COMMD1: variants seen among roughly 807,000 people sequenced by gnomAD.
COMMD1 encodes the protein copper metabolism domain containing 1, also known as COMM domain-containing protein 1.
COMMD1 carries 10 observed loss-of-function variants against 17.2 expected under a neutral mutation model. The ratio of observed to expected loss-of-function variants is 0.58; its 90% CI spans 0.36 to 0.99. The LOEUF (loss-of-function observed/expected upper bound fraction) is 0.99. Among genes scored for constraint, COMMD1 ranks in the 50% least tolerant of loss-of-function variants. COMMD1 has a pLI of 0.01. For synonymous variants in COMMD1, 97 were observed against 91.6 expected (o/e 1.06, Z -0.34); for missense variants, 270 against 231.8 (o/e 1.17, Z -1.07).
At position 62,066,648 on chromosome 2, in the gene COMMD1, G is replaced by T. The variant is rs541697004; in HGVS notation, c.462+65666G>T. ...CATCTCCTGACCTCGTGATCTGCCC[G>T]CCTTGGCCTCCCAAAGTGCTGGGAT... On this transcript the variant is annotated intron_variant, in intron 2 of 2. Coordinates refer to ENST00000311832, the MANE Select transcript of COMMD1 (RefSeq NM_152516.4). 1.1e-4 allele frequency among the ~76,000 whole-genome samples: 16 copies of T among 151,578 alleles called. No homozygotes were observed. The South Asian group carries it at 2.9e-3, about 28-fold the overall frequency.
At chr2:61,970,262 C>CAA (rs112830731) in intron 1 of COMMD1, among the ~76,000 whole-genome samples, 9 of 81,128 alleles carry the variant, frequency 1.1e-4, no homozygotes, top group African/African-American at 3.3e-4. Flanking sequence ...AACTCCACCT[C>CAA]AAAAAAAAAA....
intron 1 of COMMD1, chr2:61,968,964 T>TTA: frequency 1.4e-5 from 4 of 296,224 alleles, no homozygotes; most frequent in South Asian, 5.4e-5. Flanking sequence ...TTTTTTTTTT[T>TTA]AAAGACAGGA....
At chr2:62,126,450 TTAA>T (rs1407922297) in intron 2 of COMMD1, among the ~76,000 whole-genome samples, 3 of 152,238 alleles carry the variant, frequency 2.0e-5, no homozygotes, top group African/African-American at 7.2e-5. Context: ...TCTTGACTTC[TTAA>T]TAATTGCCAT....
intron 1 of COMMD1, among the ~76,000 whole-genome samples, chr2:61,996,896 C>T (rs1668773210): frequency 2.6e-5 from 4 of 152,160 alleles, no homozygotes; most frequent in Non-Finnish European, 5.9e-5. Context: ...TCCAAACTCC[C>T]TTTAATGTGG....
At chr2:61,969,429 T>A (rs1181574141) in intron 1 of COMMD1, among the ~76,000 whole-genome samples, 2 of 152,192 alleles carry the variant, frequency 1.3e-5, no homozygotes, top group Admixed American at 1.3e-4. Flanking sequence ...TTTCTCAAGG[T>A]CTTAATTTAA....
intron 1 of COMMD1, among the ~76,000 whole-genome samples, chr2:61,912,464 C>T (rs1036199481): frequency 6.6e-6 from 1 of 152,128 alleles, no homozygotes; most frequent in Non-Finnish European, 1.5e-5. Context: ...AGGCCAGGTG[C>T]GGTGGCTCAT....
At chr2:62,112,732 C>T (rs1672488803) in intron 2 of COMMD1, among the ~76,000 whole-genome samples, 1 of 151,944 alleles carries the variant, frequency 6.6e-6, no homozygotes, top group African/African-American at 2.4e-5. Flanking sequence ...AATTTTTTTC[C>T]CCAAGGTCAC....
At chr2:62,011,228 A>G (rs1669268866) in intron 2 of COMMD1, among the ~76,000 whole-genome samples, 1 of 152,184 alleles carries the variant, frequency 6.6e-6, no homozygotes. Flanking sequence ...ACAATGTATA[A>G]TACAATAAAC....
chr2:62,069,975 T>A (rs551681208), intron 2 of COMMD1: 6 of 152,346 alleles, frequency 3.9e-5, no homozygotes, highest in African/African-American at 1.4e-4. Flanking sequence ...ATTCTGATGC[T>A]AACCACTCAA....
chr2:62,041,978 C>G (rs961820568), intron 2 of COMMD1, among the ~76,000 whole-genome samples: 3 of 152,258 alleles, frequency 2.0e-5, no homozygotes, highest in Non-Finnish European at 4.4e-5. Context: ...CGGCTTGCCG[C>G]TGCTGGCTCT....
At chr2:62,053,131 A>G (rs937691054) in intron 2 of COMMD1, among the ~76,000 whole-genome samples, 9 of 152,176 alleles carry the variant, frequency 5.9e-5, no homozygotes, top group African/African-American at 1.7e-4. Flanking sequence ...TCTGATGCCT[A>G]TCTCACCCTT....
chr2:61,940,230 C>T (rs1453666248), intron 1 of COMMD1, among the ~76,000 whole-genome samples: 2 of 152,058 alleles, frequency 1.3e-5, no homozygotes, highest in Admixed American at 6.6e-5. Context: ...CTTTCTAGTT[C>T]CCATTTAGTA....
chr2:62,120,099 C>A (rs1672704052), intron 2 of COMMD1, among the ~76,000 whole-genome samples: 1 of 152,180 alleles, frequency 6.6e-6, no homozygotes, highest in African/African-American at 2.4e-5. Flanking sequence ...TGGGCTCAAG[C>A]AGTCTTCCTG....
intron 1 of COMMD1, among the ~76,000 whole-genome samples, chr2:61,962,738 T>C (rs1671386671): frequency 6.6e-6 from 1 of 152,162 alleles, no homozygotes; most frequent in Non-Finnish European, 1.5e-5. Context: ...ACCTGTGTGA[T>C]AGGTGGGTGA....
At chr2:62,034,489 GTCTCAA>G (rs2103881572) in intron 2 of COMMD1, among the ~76,000 whole-genome samples, 1 of 152,256 alleles carries the variant, frequency 6.6e-6, no homozygotes, top group East Asian at 1.9e-4. Context: ...GTGAGACTCA[GTCTCAA>G]AAAAGAAAAG....
At chr2:62,021,085 A>G (rs1317761563) in intron 2 of COMMD1, among the ~76,000 whole-genome samples, 1 of 152,138 alleles carries the variant, frequency 6.6e-6, no homozygotes, top group Admixed American at 6.6e-5. Flanking sequence ...CTTTTGTCTA[A>G]TTGAATAGTA....
At chr2:62,030,889 A>C (rs1669893165) in intron 2 of COMMD1, among the ~76,000 whole-genome samples, 2 of 152,022 alleles carry the variant, frequency 1.3e-5, no homozygotes, top group South Asian at 4.2e-4. Flanking sequence ...TAACCTCTTA[A>C]ATTTTTTTCA....
At position 62,107,388 on chromosome 2, in the gene COMMD1, ATGACTC is replaced by A. The variant is rs559044401; in HGVS notation, c.463-28439_463-28434del. Among the ~76,000 whole-genome samples the A allele has an allele frequency of 1.3e-3, 203 of 152,334 alleles. 1 individual carries two copies. Among genetic ancestry groups the A allele is most frequent in the Non-Finnish European group, 2.5e-3 (171 of 68,028 alleles). On this transcript the variant is annotated intron_variant, in intron 2 of 2. Transcript: ENST00000311832. ...ATCATTTGTTGCAGAAGAAACAAAAATGACTCTGAGGTTGAAACATGAGCTGGTGGA... is the reference window on the plus strand; with the variant it reads ...ATCATTTGTTGCAGAAGAAACAAAAATGAGGTTGAAACATGAGCTGGTGGA...
chr2:62,006,202 G>T (rs1669111251), intron 2 of COMMD1, among the ~76,000 whole-genome samples: 2 of 124,216 alleles, frequency 1.6e-5, no homozygotes, highest in Non-Finnish European at 3.4e-5. Context: ...TTGTGGGGTG[G>T]GGGGAGGGGG....
Sources: allele counts gnomAD v4.1 joint callset (sites outside exome capture counted in the v4.1 genomes callset), GRCh38; gene constraint gnomAD v4.1.1; transcripts MANE v1.5; gene names NCBI Gene and HGNC (gene_info 2026-07-23, HGNC 2026-07-21).